Variants in CCNJL observed in about 807,000 individuals in gnomAD.
The protein encoded by CCNJL is cyclin J like.
A neutral mutation model predicts 33.4 loss-of-function variants in CCNJL; 33 were observed. The ratio of observed to expected loss-of-function variants is 0.99; its 90% CI spans 0.75 to 1.32. CCNJL has a LOEUF of 1.32. Ranked by LOEUF, CCNJL falls within the 40% of genes most tolerant of loss-of-function variation. The probability of loss-of-function intolerance (pLI) is 0.00; values close to 1 mark genes in which losing one functional copy is unlikely to be tolerated. For synonymous variants in CCNJL, 227 were observed against 220.9 expected, an observed-to-expected ratio of 1.03 and a Z score of -0.24; for missense variants, 512 against 499.7, an observed-to-expected ratio of 1.02 and a Z score of -0.23.
At chr5:160,317,007 A>G (rs913303110), upstream of CCNJL, among the ~76,000 whole-genome samples, 1 of 152,230 alleles carries the variant, frequency 6.6e-6, no homozygotes, top group African/African-American at 2.4e-5. Flanking sequence ...GTGTTTCCTC[A>G]TGGTGTTAAT....
intron 2 of CCNJL, among the ~76,000 whole-genome samples, chr5:160,288,178 A>G (rs1762469952): frequency 6.6e-6 from 1 of 152,152 alleles, no homozygotes; most frequent in African/African-American, 2.4e-5. Context: ...ATACATCAAA[A>G]TATTAACAGT....
upstream of CCNJL, among the ~76,000 whole-genome samples, chr5:160,316,085 C>G (rs1362950990): frequency 6.6e-6 from 1 of 152,052 alleles, no homozygotes; most frequent in African/African-American, 2.4e-5. Context: ...CTCCAGAGTC[C>G]CTCATTTTCT....
At chr5:160,338,977 T>TG (rs929115648) in intron 1 of CCNJL, among the ~76,000 whole-genome samples, 1 of 152,018 alleles carries the variant, frequency 6.6e-6, no homozygotes, top group Admixed American at 6.6e-5. Context: ...TTAGTAGAGA[T>TG]GGGGTTTCAC....
At chr5:160,254,280 G>C in intron 5 of CCNJL, 1 of 648,262 alleles carries the variant, frequency 1.5e-6, no homozygotes, top group South Asian at 1.7e-5. Flanking sequence ...TCCTTAGCTA[G>C]CTGATATCAA....
At position 160,272,131 on chromosome 5, in the gene CCNJL, G is replaced by A. The variant is rs1447223636; in HGVS notation, c.280+8394C>T. 2.0e-5 allele frequency among the ~76,000 whole-genome samples: 3 copies of A among 152,356 alleles called. No individual in the cohort carries two copies. The East Asian group carries it at 5.8e-4, about 29-fold the overall frequency. The stretch of plus-strand genomic sequence containing the variant: ...TTTAACTTCTCCAGGCTAGGAAGCA[G>A]CATATTCATTCATCCTTGTCGACCA... On this transcript the variant is annotated intron_variant, in intron 3 of 5. Coordinates refer to ENST00000257536, the MANE Select transcript of CCNJL (RefSeq NM_001308173.3).
chr5:160,295,366 G>A (rs557598175), intron 2 of CCNJL, among the ~76,000 whole-genome samples: 7 of 152,268 alleles, frequency 4.6e-5, no homozygotes, highest in Admixed American at 3.3e-4. Context: ...GTGCACACCC[G>A]TAGTCCCAGC....
At chr5:160,278,882 G>A (rs375601612) in intron 3 of CCNJL, among the ~76,000 whole-genome samples, 173 of 152,296 alleles carry the variant, frequency 1.1e-3, no homozygotes, top group African/African-American at 3.6e-3. Context: ...CACAAGCCCC[G>A]CAGACGAAAG....
chr5:160,303,228 G>A (rs1762979693), intron 2 of CCNJL, among the ~76,000 whole-genome samples: 1 of 151,922 alleles, frequency 6.6e-6, no homozygotes, highest in Admixed American at 6.6e-5. Context: ...TTTTTGAGAT[G>A]GAGTTTTGCT....
At chr5:160,288,634 G>A (rs1368938419) in intron 2 of CCNJL, among the ~76,000 whole-genome samples, 2 of 152,008 alleles carry the variant, frequency 1.3e-5, no homozygotes, top group Non-Finnish European at 2.9e-5. Context: ...ACTTTGGGAG[G>A]CTGAGGCGGG....
chr5:160,321,747 C>A (rs1375932058), intron 1 of CCNJL, among the ~76,000 whole-genome samples: 1 of 152,132 alleles, frequency 6.6e-6, no homozygotes, highest in African/African-American at 2.4e-5. Flanking sequence ...GCCTTGCCAA[C>A]ATGGTGAAAC....
chr5:160,332,124 T>C (rs185916908), intron 1 of CCNJL, among the ~76,000 whole-genome samples: 2 of 152,250 alleles, frequency 1.3e-5, no homozygotes, highest in East Asian at 1.9e-4. Context: ...CCTCCTCACA[T>C]TCAGCTAGCT....
At position 160,275,486 on chromosome 5, in the gene CCNJL, TTG is replaced by T. The variant is rs367814485; in HGVS notation, c.280+5037_280+5038del. Among the ~76,000 whole-genome samples the T allele has an allele frequency of 4.3e-4, 66 of 152,062 alleles. 2 individuals are homozygous for T. The East Asian group carries it at 0.012, about 28-fold the overall frequency. ...GGTACTTCTGTACCTTTCAGGTTTT[TTG>T]TGTTTGTTTGTTTTGAGATAGGGTC... On this transcript the variant is annotated intron_variant, in intron 3 of 5. Transcript: ENST00000257536.
chr5:160,302,061 G>A (rs936946311), intron 2 of CCNJL, among the ~76,000 whole-genome samples: 1 of 152,236 alleles, frequency 6.6e-6, no homozygotes, highest in East Asian at 1.9e-4. Context: ...GGTTACATGA[G>A]TATATACATT....
At chr5:160,291,891 A>T (rs1561796412) in intron 2 of CCNJL, among the ~76,000 whole-genome samples, 1 of 152,154 alleles carries the variant, frequency 6.6e-6, no homozygotes, top group Admixed American at 6.5e-5. Flanking sequence ...TATTATGTAT[A>T]TAATATGGTG....
chr5:160,265,591 C>T (rs918098014), intron 3 of CCNJL, among the ~76,000 whole-genome samples: 1 of 151,500 alleles, frequency 6.6e-6, no homozygotes, highest in Non-Finnish European at 1.5e-5. Flanking sequence ...GCCAAGACCA[C>T]GCCACTGCAC....
chr5:160,328,879 CA>C (rs558876567), intron 1 of CCNJL, among the ~76,000 whole-genome samples: 83 of 139,770 alleles, frequency 5.9e-4, no homozygotes, highest in African/African-American at 6.2e-4. Context: ...GACTCTGTCT[CA>C]AAAAAAAAAA....
At chr5:160,299,795 T>C (rs1469108087) in intron 2 of CCNJL, among the ~76,000 whole-genome samples, 3 of 151,906 alleles carry the variant, frequency 2.0e-5, no homozygotes, top group African/African-American at 7.3e-5. Flanking sequence ...GAAAAAACAA[T>C]GGTTCACTCC....
chr5:160,264,951 G>C (rs1367604736), intron 3 of CCNJL, among the ~76,000 whole-genome samples: 1 of 152,176 alleles, frequency 6.6e-6, no homozygotes, highest in Non-Finnish European at 1.5e-5. Context: ...CGAAAAGAGA[G>C]AGAGAAATGT....
At chr5:160,320,364 C>T (rs1362560730) in intron 1 of CCNJL, among the ~76,000 whole-genome samples, 2 of 152,054 alleles carry the variant, frequency 1.3e-5, no homozygotes, top group African/African-American at 4.8e-5. Flanking sequence ...GGGTGGGATT[C>T]GATCCCAGAG....
Sources: allele counts gnomAD v4.1 joint callset (sites outside exome capture counted in the v4.1 genomes callset), GRCh38; gene constraint gnomAD v4.1.1; transcripts MANE v1.5; gene names NCBI Gene and HGNC (gene_info 2026-07-23, HGNC 2026-07-21).